Variants in UBL3 observed in about 807,000 individuals in gnomAD.
UBL3 encodes ubiquitin-like protein 3.
UBL3 carries 6 observed loss-of-function variants against 18.4 expected under a neutral mutation model. The observed-to-expected ratio is 0.33, with a 90% CI of 0.18 to 0.64. UBL3 has a LOEUF of 0.64. Among genes scored for constraint, UBL3 ranks in the 30% least tolerant of loss-of-function variants. The pLI, the probability that UBL3 is intolerant of heterozygous loss-of-function variation, is 0.76. For missense variants in UBL3, 109 were observed against 142.9 expected (o/e 0.76, Z 1.21); for synonymous variants, 49 against 46.6 (o/e 1.05, Z -0.21).
At chr13:29,783,436 T>G (rs1877229869) in intron 1 of UBL3, among the ~76,000 whole-genome samples, 2 of 152,236 alleles carry the variant, frequency 1.3e-5, no homozygotes, top group African/African-American at 4.8e-5. Flanking sequence ...TGCCTCAGTA[T>G]GCTTGTCAAG....
intron 2 of UBL3, 45 bp downstream of exon 2, chr13:29,777,110 A>AC (rs1420012293): frequency 1.4e-6 from 1 of 733,226 alleles, no homozygotes; most frequent in Non-Finnish European, 2.1e-6. Context: ...AAGGTAGGGC[A>AC]TAAGAATCAA....
chr13:29,766,348 T>C lies in UBL3; in HGVS notation c.*907A>G, dbSNP rs1248204598. ...TCATCTGAACTCTAAGGAGTAAGCA[T>C]GACACTGGATGTGGTTACAAATTAA... On this transcript the variant is annotated 3_prime_UTR_variant, in exon 5 of 5. Coordinates refer to ENST00000380680, the MANE Select transcript of UBL3 (RefSeq NM_007106.4). The C allele has an allele frequency of 6.6e-6, 1 of 152,514 alleles. No individual in the cohort carries two copies. The highest frequency in any genetic ancestry group is 1.5e-5 in the Non-Finnish European group (1 of 68,016). 9.4% of individuals were successfully genotyped at this position (152,514 alleles called of 1,614,324 possible). A position where few individuals can be genotyped will look rare whatever the true frequency, so the allele number is the denominator to read the frequency against.
chr13:29,841,828 A>G (rs1362724490), intron 1 of UBL3, among the ~76,000 whole-genome samples: 1 of 152,232 alleles, frequency 6.6e-6, no homozygotes, highest in East Asian at 1.9e-4. Context: ...GCTGTGAGAA[A>G]GTAAAAATGA....
At position 29,801,109 on chromosome 13, in the gene UBL3, C is replaced by T. The variant is rs1192721235; in HGVS notation, c.28-23846G>A. On this transcript the variant is annotated intron_variant, in intron 1 of 4. Coordinates refer to ENST00000380680, the MANE Select transcript of UBL3 (RefSeq NM_007106.4). ...ACAACCCACAGCCCCTCTGCCATTG[C>T]AGATGCAGGGGTACTGCCCTTGCCA... 2.0e-5 allele frequency among the ~76,000 whole-genome samples: 3 copies of T among 152,176 alleles called. No homozygotes were observed. The East Asian group carries it at 5.8e-4, about 29-fold the overall frequency.
At chr13:29,767,347 A>G (rs772645756) in intron 4 of UBL3, 40 bp from the exon 5 acceptor site, 6 of 1,611,108 alleles carry the variant, frequency 3.7e-6, no homozygotes, top group Non-Finnish European at 5.1e-6. Context: ...TAAAAATTCT[A>G]GAACTGGAGG....
chr13:29,769,596 TG>T (rs1304185546), intron 3 of UBL3, among the ~76,000 whole-genome samples: 8 of 152,052 alleles, frequency 5.3e-5, no homozygotes, highest in African/African-American at 1.9e-4. Flanking sequence ...GTATCCTAGA[TG>T]AGTCTCATGC....
intron 1 of UBL3, among the ~76,000 whole-genome samples, chr13:29,821,821 C>T (rs942989012): frequency 2.6e-5 from 4 of 152,152 alleles, no homozygotes; most frequent in Non-Finnish European, 5.9e-5. Flanking sequence ...AATTATCTGA[C>T]TGCACATAAA....
At chr13:29,825,193 C>T (rs572611264) in intron 1 of UBL3, among the ~76,000 whole-genome samples, 1 of 152,242 alleles carries the variant, frequency 6.6e-6, no homozygotes, top group Non-Finnish European at 1.5e-5. Context: ...AATGTGGGCT[C>T]TTTTTTGGTT....
chr13:29,823,272 A>T (rs1177396399), intron 1 of UBL3, among the ~76,000 whole-genome samples: 4 of 152,120 alleles, frequency 2.6e-5, no homozygotes, highest in Non-Finnish European at 5.9e-5. Flanking sequence ...CCTCCCAAGT[A>T]GGTGGGGTTA....
chr13:29,843,409 C>T (rs892389436), intron 1 of UBL3, among the ~76,000 whole-genome samples: 62 of 152,130 alleles, frequency 4.1e-4, no homozygotes, highest in African/African-American at 1.4e-3. Flanking sequence ...AAATATATCT[C>T]CATTTTTTTA....
intron 1 of UBL3, among the ~76,000 whole-genome samples, chr13:29,826,444 G>A (rs1593670962): frequency 6.6e-6 from 1 of 152,118 alleles, no homozygotes; most frequent in African/African-American, 2.4e-5. Context: ...ATGTGTCCAG[G>A]AATTTATCCA....
intron 1 of UBL3, among the ~76,000 whole-genome samples, chr13:29,786,968 A>C (rs1469898817): frequency 6.6e-6 from 1 of 152,202 alleles, no homozygotes; most frequent in Admixed American, 6.5e-5. Context: ...GAACTTGCAG[A>C]ATATTTTGAC....
intron 1 of UBL3, among the ~76,000 whole-genome samples, chr13:29,808,777 G>A (rs763421472): frequency 4.6e-5 from 7 of 151,922 alleles, no homozygotes; most frequent in Non-Finnish European, 8.8e-5. Context: ...TATTTTCTAA[G>A]CTCTGTAACT....
At chr13:29,820,940 T>C (rs996469296) in intron 1 of UBL3, among the ~76,000 whole-genome samples, 6 of 152,240 alleles carry the variant, frequency 3.9e-5, no homozygotes, top group African/African-American at 1.2e-4. Context: ...TGATAGGCTC[T>C]GGAAACAGAA....
intron 1 of UBL3, among the ~76,000 whole-genome samples, chr13:29,797,858 A>G (rs1388700260): frequency 6.6e-6 from 1 of 152,178 alleles, no homozygotes; most frequent in East Asian, 1.9e-4. Context: ...CTGTAAATCC[A>G]TGAGGATTAC....
chr13:29,834,841 T>A (rs1310005412), intron 1 of UBL3, among the ~76,000 whole-genome samples: 3 of 151,410 alleles, frequency 2.0e-5, no homozygotes, highest in African/African-American at 7.3e-5. Flanking sequence ...TTCAGGAAAA[T>A]AATCAAACAT....
chr13:29,784,239 G>A (rs1393411601), intron 1 of UBL3, among the ~76,000 whole-genome samples: 1 of 152,118 alleles, frequency 6.6e-6, no homozygotes, highest in African/African-American at 2.4e-5. Flanking sequence ...GAAAGAAAGA[G>A]GGAGGATGGA....
intron 1 of UBL3, among the ~76,000 whole-genome samples, chr13:29,815,124 C>T (rs189915701): frequency 3.3e-5 from 5 of 152,246 alleles, no homozygotes; most frequent in Admixed American, 3.3e-4. Context: ...GCGCAAAACA[C>T]AGTAGCAATT....
intron 1 of UBL3, among the ~76,000 whole-genome samples, chr13:29,796,084 G>T (rs1877604116): frequency 6.6e-6 from 1 of 152,116 alleles, no homozygotes; most frequent in African/African-American, 2.4e-5. Flanking sequence ...AAAGGAAGAA[G>T]CATGTTAGAG....
Sources: allele counts gnomAD v4.1 joint callset (sites outside exome capture counted in the v4.1 genomes callset), GRCh38; gene constraint gnomAD v4.1.1; transcripts MANE v1.5; gene names NCBI Gene and HGNC (gene_info 2026-07-23, HGNC 2026-07-21).